Variants in FGGY observed in about 807,000 individuals in gnomAD.
The protein encoded by FGGY is FGGY carbohydrate kinase domain-containing protein.
A neutral mutation model predicts 71.3 loss-of-function variants in FGGY; 72 were observed. The observed-to-expected ratio is 1.01, with a 90% CI of 0.84 to 1.23. The LOEUF is 1.23. Among genes scored for constraint, FGGY ranks in the 50% most tolerant of loss-of-function variants. The pLI is 0.00. For missense variants in FGGY, 668 were observed against 682.3 expected, an observed-to-expected ratio of 0.98 and a Z score of 0.23; for synonymous variants, 251 against 250.3, an observed-to-expected ratio of 1.00 and a Z score of -0.02.
At chr1:59,330,337 C>T (rs1180417638) in intron 2 of FGGY, among the ~76,000 whole-genome samples, 1 of 151,852 alleles carries the variant, frequency 6.6e-6, no homozygotes, top group Non-Finnish European at 1.5e-5. Context: ...TTGGGAGGCC[C>T]AGGTGGGCAG....
rs565027683 is a variant in FGGY, at chr1:59,331,771, C to T, written c.202-8187C>T. 5.9e-5 allele frequency: 9 copies of T among 152,242 alleles called. 1 individual carries two copies. The South Asian group carries it at 1.9e-3, about 32-fold the overall frequency. The allele number at this position is 152,242 out of a possible 1,614,324, so 9.4% of individuals were successfully genotyped here. On this transcript the variant is annotated intron_variant, in intron 2 of 15. Coordinates refer to ENST00000303721, the MANE Select transcript of FGGY (RefSeq NM_018291.5). ...GAAGAGAAAATTCTGCACAGCCTGA[C>T]CCTAGAAGGGGCTTGATTATTTTCG...
At chr1:59,760,813 C>T (rs1165527962) in intron 15 of FGGY, among the ~76,000 whole-genome samples, 1 of 152,166 alleles carries the variant, frequency 6.6e-6, no homozygotes, top group Non-Finnish European at 1.5e-5. Context: ...CTCACCTTAG[C>T]TCCCTTCTAG....
chr1:59,695,896 G>A (rs545494013), intron 14 of FGGY, among the ~76,000 whole-genome samples: 8 of 151,938 alleles, frequency 5.3e-5, no homozygotes, highest in African/African-American at 1.9e-4. Flanking sequence ...AGAAAGTCCT[G>A]TGGGTTTTTT....
chr1:59,736,484 T>C (rs2098105102), intron 14 of FGGY, among the ~76,000 whole-genome samples: 1 of 151,980 alleles, frequency 6.6e-6, no homozygotes, highest in South Asian at 2.1e-4. Flanking sequence ...AACAATAAAG[T>C]CCAAGCTGAA....
At chr1:59,745,825 T>C (rs2098192060) in intron 14 of FGGY, among the ~76,000 whole-genome samples, 2 of 152,174 alleles carry the variant, frequency 1.3e-5, no homozygotes, top group Admixed American at 1.3e-4. Flanking sequence ...GTGATGGAGA[T>C]TCTGGAAGTT....
intron 5 of FGGY, among the ~76,000 whole-genome samples, chr1:59,440,757 C>T (rs1336619869): frequency 6.7e-6 from 1 of 149,960 alleles, no homozygotes; most frequent in Non-Finnish European, 1.5e-5. Flanking sequence ...AGTGGAGGGG[C>T]GAATAACACA....
At chr1:59,336,839 C>T (rs772899683) in intron 2 of FGGY, among the ~76,000 whole-genome samples, 4 of 151,850 alleles carry the variant, frequency 2.6e-5, no homozygotes, top group Admixed American at 6.6e-5. Flanking sequence ...TTCCATTTTA[C>T]GAGTGTGACA....
intron 6 of FGGY, among the ~76,000 whole-genome samples, chr1:59,493,830 T>A (rs971270454): frequency 6.6e-5 from 10 of 152,220 alleles, no homozygotes; most frequent in African/African-American, 2.2e-4. Context: ...AAAAAATTTT[T>A]AAAAACAATG....
intron 14 of FGGY, among the ~76,000 whole-genome samples, chr1:59,722,978 T>A (rs2097910032): frequency 6.6e-6 from 1 of 152,140 alleles, no homozygotes; most frequent in Non-Finnish European, 1.5e-5. Context: ...TTTGTATTTT[T>A]AGTAGAGACG....
chr1:59,699,300 A>G, intron 14 of FGGY: 1 of 984,660 alleles, frequency 1.0e-6, no homozygotes, highest in East Asian at 1.1e-4. Flanking sequence ...ATTCAATTAG[A>G]GATACTAAAT....
chr1:59,673,583 C>T lies in FGGY; in HGVS notation c.1418-456C>T, dbSNP rs971983931. On this transcript the variant is annotated intron_variant, in intron 13 of 15. Transcript: ENST00000303721. ...CACCCTCTCTTGCTATCTCCTTTCC[C>T]TTAGCACATCTCAGTTAGAGAACCA... is the stretch of plus-strand genomic sequence containing the variant. The T allele has an allele frequency of 1.7e-5, 3 of 172,072 alleles. No homozygotes were observed. The South Asian group carries it at 4.0e-4, about 23-fold the overall frequency. The allele number at this position is 172,072 out of a possible 1,614,324, so 10.7% of individuals were successfully genotyped here. A position where few individuals can be genotyped will look rare whatever the true frequency, so the allele number is the denominator to read the frequency against.
chr1:59,339,621 T>C (rs1348319660), intron 2 of FGGY, among the ~76,000 whole-genome samples: 1 of 151,860 alleles, frequency 6.6e-6, no homozygotes, highest in African/African-American at 2.4e-5. Context: ...CACACCACCA[T>C]GCCTGGCTAA....
At chr1:59,367,090 G>A (rs7539697) in intron 4 of FGGY, among the ~76,000 whole-genome samples, 49,125 of 151,926 alleles carry the variant, frequency 0.32, 8,315 homozygotes, top group East Asian at 0.42. Context: ...ATGAGGAGAT[G>A]TCGCACCATC....
chr1:59,694,900 G>A (rs902975529), intron 14 of FGGY, among the ~76,000 whole-genome samples: 1 of 152,126 alleles, frequency 6.6e-6, no homozygotes, highest in Non-Finnish European at 1.5e-5. Flanking sequence ...CTCCCAGGTT[G>A]GATAGGCATA....
chr1:59,297,413 GATA>G (rs2042103156), intron 1 of FGGY, among the ~76,000 whole-genome samples: 1 of 152,238 alleles, frequency 6.6e-6, no homozygotes, highest in Non-Finnish European at 1.5e-5. Context: ...CAGCACTTGT[GATA>G]ATGTTTGAGG....
At chr1:59,535,418 A>T (rs2095286016) in intron 7 of FGGY, among the ~76,000 whole-genome samples, 1 of 152,198 alleles carries the variant, frequency 6.6e-6, no homozygotes, top group African/African-American at 2.4e-5. Flanking sequence ...CATTAGACAG[A>T]TCAACGAGAG....
At chr1:59,358,960 A>G (rs2054876685) in intron 4 of FGGY, among the ~76,000 whole-genome samples, 1 of 152,178 alleles carries the variant, frequency 6.6e-6, no homozygotes, top group South Asian at 2.1e-4. Flanking sequence ...CAACTTTATT[A>G]CCTCTGGCAA....
At chr1:59,643,918 G>T (rs532532682) in intron 11 of FGGY, among the ~76,000 whole-genome samples, 34 of 151,364 alleles carry the variant, frequency 2.2e-4, no homozygotes, top group Non-Finnish European at 3.4e-4. Context: ...AAGTGGCAGC[G>T]CTTGCCTTTT....
chr1:59,537,869 C>G (rs1333850871), intron 7 of FGGY, among the ~76,000 whole-genome samples: 1 of 152,222 alleles, frequency 6.6e-6, no homozygotes. Flanking sequence ...AAGACTTAAA[C>G]GTTAGACCTA....
Sources: allele counts gnomAD v4.1 joint callset (sites outside exome capture counted in the v4.1 genomes callset), GRCh38; gene constraint gnomAD v4.1.1; transcripts MANE v1.5; gene names NCBI Gene and HGNC (gene_info 2026-07-23, HGNC 2026-07-21).